ABI3BP: variants seen among roughly 807,000 people sequenced by gnomAD.
ABI3BP encodes ABI family member 3 binding protein, also known as target of Nesh-SH3.
ABI3BP carries 216 observed loss-of-function variants against 268.6 expected under a neutral mutation model. The observed-to-expected ratio is 0.80, with a 90% CI of 0.72 to 0.90. The LOEUF is 0.90. ABI3BP is among the 40% of genes least tolerant of loss of function. The pLI, the probability that ABI3BP is intolerant of heterozygous loss-of-function variation, is 0.00. For synonymous variants in ABI3BP, 730 were observed against 730.0 expected, an observed-to-expected ratio of 1.00 and a Z score of 0.00; for missense variants, 2,090 against 2,182.4, an observed-to-expected ratio of 0.96 and a Z score of 0.84.
rs1285037898 is a variant in ABI3BP at position 100,749,191 on chromosome 3, A to G, written c.*1304T>C. ...ATGAACTTTATTACTTCATAGGATG[A>G]AAGGTTAATTTAGGACATAAACAAA... is the stretch of plus-strand genomic sequence containing the variant. On this transcript the variant is annotated 3_prime_UTR_variant, in exon 68 of 68. Coordinates refer to ENST00000471714, the MANE Select transcript of ABI3BP (RefSeq NM_001375547.2). 2 of 69,534 alleles carry G rather than the reference A, an allele frequency of 2.9e-5. No individual in the cohort carries two copies. The highest frequency in any genetic ancestry group is 6.3e-5 in the Non-Finnish European group (2 of 31,662). The allele number at this position is 69,534 out of a possible 1,614,324, so 4.3% of individuals were successfully genotyped here.
At chr3:100,833,739 A>G (rs962667915) in intron 29 of ABI3BP, among the ~76,000 whole-genome samples, 3 of 152,216 alleles carry the variant, frequency 2.0e-5, no homozygotes, top group Admixed American at 6.5e-5. Flanking sequence ...CCTCTAGGTT[A>G]GGAGAGCGTG....
At chr3:100,903,890 G>A (rs1440036055) in intron 2 of ABI3BP, among the ~76,000 whole-genome samples, 2 of 152,122 alleles carry the variant, frequency 1.3e-5, no homozygotes, top group Admixed American at 1.3e-4. Context: ...CCTCATCATT[G>A]TACAGTTGCC....
At chr3:100,845,621 T>C (rs2152979422) in intron 20 of ABI3BP, among the ~76,000 whole-genome samples, 1 of 145,486 alleles carries the variant, frequency 6.9e-6, no homozygotes, top group East Asian at 1.9e-4. Context: ...AGAAATAATT[T>C]CTTCCCAGAG....
At chr3:100,930,296 A>G (rs1162573960) in intron 1 of ABI3BP, among the ~76,000 whole-genome samples, 1 of 151,996 alleles carries the variant, frequency 6.6e-6, no homozygotes, top group Non-Finnish European at 1.5e-5. Flanking sequence ...AGCATATGTC[A>G]ACAGGAGTGA....
intron 1 of ABI3BP, among the ~76,000 whole-genome samples, chr3:100,991,230 C>CT (rs1177216851): frequency 6.6e-6 from 1 of 152,166 alleles, no homozygotes; most frequent in Non-Finnish European, 1.5e-5. Flanking sequence ...CTAACCACTT[C>CT]TTAAGTCACA....
chr3:100,942,845 T>A (rs899044958), intron 1 of ABI3BP, among the ~76,000 whole-genome samples: 1 of 152,136 alleles, frequency 6.6e-6, no homozygotes, highest in African/African-American at 2.4e-5. Flanking sequence ...ATTACTCTTT[T>A]AAAATTCAGT....
rs553881742 is a variant in ABI3BP at position 100,775,331 on chromosome 3, G to A, written c.4338C>T (p.Ile1446=). The A allele has an allele frequency of 9.4e-6, 15 of 1,603,130 alleles. No homozygotes were observed. The highest frequency in any genetic ancestry group is 6.7e-5 in the South Asian group (6 of 88,990). Residue 1446 remains isoleucine (I), a synonymous_variant, in exon 60 of 68, where the codon ATC becomes ATT. Transcript: ENST00000471714. ...NVTGKPGSAG[I]ISSGPITTPP... is the part of the protein sequence containing the mutation. ...GTGTAGTTATTGGGCCTGATGAAAT[G>A]ATTCCTGTAAAGTAGAGCCAAAGTA...
intron 4 of ABI3BP, among the ~76,000 whole-genome samples, chr3:100,891,272 C>T (rs1486386427): frequency 1.3e-5 from 2 of 152,166 alleles, no homozygotes; most frequent in Admixed American, 1.3e-4. Context: ...CCACTGGTGG[C>T]TGGTTTAAGT....
chr3:100,976,554 C>A (rs1157274218), intron 1 of ABI3BP, among the ~76,000 whole-genome samples: 1 of 152,128 alleles, frequency 6.6e-6, no homozygotes, highest in Non-Finnish European at 1.5e-5. Context: ...AACCATTTTT[C>A]TTCTTTCTTT....
At chr3:100,864,353 A>G (rs1284161705) in intron 11 of ABI3BP, 3 of 448,024 alleles carry the variant, frequency 6.7e-6, no homozygotes, top group African/African-American at 5.9e-5. Flanking sequence ...CAACAAAGCA[A>G]GTTAGATTCT....
At chr3:100,863,018 T>G (rs774798758) in intron 12 of ABI3BP, 109 bp from the exon 13 acceptor site, 43 of 718,096 alleles carry the variant, frequency 6.0e-5, no homozygotes, top group Non-Finnish European at 8.6e-5. Context: ...AGGCAAATCA[T>G]GTTAAGAGAC....
At chr3:100,960,503 G>A (rs978342235) in intron 1 of ABI3BP, among the ~76,000 whole-genome samples, 19 of 152,254 alleles carry the variant, frequency 1.2e-4, no homozygotes, top group African/African-American at 3.4e-4. Context: ...GAAGATGACC[G>A]TGGCAAAAAG....
At position 100,840,834 on chromosome 3, in the gene ABI3BP, G is replaced by A. The variant is rs778955231; in HGVS notation, c.1790C>T (p.Pro597Leu). ...TIGPETPGTK[P>L]STTLAPRKTK... ...TACTCTATTACCTAATGTTGTTGAA[G>A]GTTTGGTTCCTGGTGTTTCAGGTCC... The change falls in exon 22 of 68, where the codon CCT becomes CTT. Residue 597 changes from proline (P) to leucine (L), a missense_variant. Transcript: ENST00000471714. The A allele has an allele frequency of 1.3e-4, 194 of 1,535,100 alleles. No homozygotes were observed. The highest frequency in any genetic ancestry group is 4.3e-4 in the Admixed American group (22 of 50,938).
At chr3:100,904,584 T>C (rs1294554589) in intron 2 of ABI3BP, among the ~76,000 whole-genome samples, 4 of 152,212 alleles carry the variant, frequency 2.6e-5, no homozygotes, top group African/African-American at 9.7e-5. Context: ...CACACAGAGC[T>C]GTGAGAGACC....
chr3:100,919,729 G>A (rs1373838778), intron 2 of ABI3BP, among the ~76,000 whole-genome samples: 2 of 152,188 alleles, frequency 1.3e-5, no homozygotes. Flanking sequence ...TATCTGTTTA[G>A]TAGGACAGGT....
rs1018232305 is a variant in ABI3BP, at chr3:100,843,875, T to C, written c.1724-1836A>G. 35 of 984,828 alleles carry C rather than the reference T, an allele frequency of 3.6e-5. No homozygotes were observed. The African/African-American group carries it at 5.6e-4, about 16-fold the overall frequency. 61.0% of individuals were successfully genotyped at this position (984,828 alleles called of 1,614,324 possible). On this transcript the variant is annotated intron_variant, in intron 20 of 67. Coordinates refer to ENST00000471714, the MANE Select transcript of ABI3BP (RefSeq NM_001375547.2). ...AGTGAAAAATAAAATTTGCTACTCA[T>C]TGCATCTTTTAGACTTCACAAAAAT... is the stretch of plus-strand genomic sequence containing the variant.
intron 1 of ABI3BP, among the ~76,000 whole-genome samples, chr3:100,946,766 C>T (rs1370061681): frequency 2.3e-5 from 3 of 129,324 alleles, no homozygotes; most frequent in East Asian, 2.2e-4. Context: ...CCAGCCTGGG[C>T]AACAAGAGTG....
At chr3:100,915,328 T>A (rs572567614) in intron 2 of ABI3BP, among the ~76,000 whole-genome samples, 8 of 152,328 alleles carry the variant, frequency 5.3e-5, no homozygotes, top group African/African-American at 1.9e-4. Context: ...ACATACTGTG[T>A]ACCTGATGCA....
chr3:100,828,624 T>C (rs893612095), intron 33 of ABI3BP, among the ~76,000 whole-genome samples, 172 bp from the exon 34 acceptor site: 2 of 152,142 alleles, frequency 1.3e-5, no homozygotes, highest in Admixed American at 1.3e-4. Context: ...TGGGTACCAA[T>C]TCATCTCTTA....
Sources: allele counts gnomAD v4.1 joint callset (sites outside exome capture counted in the v4.1 genomes callset), GRCh38; gene constraint gnomAD v4.1.1; transcripts MANE v1.5; gene names NCBI Gene and HGNC (gene_info 2026-07-23, HGNC 2026-07-21).